The following FAT3 variants were observed in gnomAD, a reference collection of about 807,000 sequenced individuals.
FAT3 encodes FAT atypical cadherin 3, also known as protocadherin Fat 3.
In FAT3, 95 loss-of-function variants were observed where a neutral mutation model predicts 310.2. That is an observed-to-expected ratio of 0.31 (90% CI 0.26 to 0.36). FAT3 has a LOEUF of 0.36. FAT3 is among the 10% of genes least tolerant of loss of function. The pLI is 1.00. For missense variants in FAT3, 5,408 were observed against 5,715.6 expected, an observed-to-expected ratio of 0.95 and a Z score of 1.74; for synonymous variants, 2,314 against 2,192.9, an observed-to-expected ratio of 1.06 and a Z score of -1.54.
intron 3 of FAT3, among the ~76,000 whole-genome samples, chr11:92,637,908 A>G (rs759307477): frequency 2.0e-5 from 3 of 152,254 alleles, no homozygotes; most frequent in African/African-American, 7.2e-5. Flanking sequence ...GAAATAAATT[A>G]GAATCTCAGC....
At chr11:92,673,046 A>T (rs988437710) in intron 3 of FAT3, among the ~76,000 whole-genome samples, 2 of 152,188 alleles carry the variant, frequency 1.3e-5, no homozygotes, top group African/African-American at 4.8e-5. Flanking sequence ...ACAGTTAATA[A>T]TTCTTATTCT....
intron 3 of FAT3, among the ~76,000 whole-genome samples, chr11:92,541,159 A>G (rs1463110742): frequency 2.0e-5 from 3 of 152,188 alleles, no homozygotes; most frequent in Non-Finnish European, 4.4e-5. Flanking sequence ...TGTGCTAGGC[A>G]CTGTGGTGTG....
intron 2 of FAT3, among the ~76,000 whole-genome samples, chr11:92,486,641 T>G (rs680260): frequency 0.99 from 151,284 of 152,242 alleles, 75,179 homozygotes; most frequent in East Asian, 1. Flanking sequence ...GTTACTGCAA[T>G]AAATTTGGTT....
chr11:92,538,264 C>G lies in FAT3; in HGVS notation c.3607+13316C>G, dbSNP rs564244836. The stretch of plus-strand genomic sequence containing the variant: ...GATCTGCATGATAAACACCTGTTTT[C>G]TCAGAATTTTACCCTGTGAAATTCA... On this transcript the variant is annotated intron_variant, in intron 3 of 27. Coordinates refer to ENST00000525166, the MANE Select transcript of FAT3 (RefSeq NM_001367949.2). 5.9e-5 allele frequency among the ~76,000 whole-genome samples: 9 copies of G among 152,224 alleles called. No homozygotes were observed. In the South Asian group the frequency reaches 1.9e-3, roughly 32 times the overall value.
intron 3 of FAT3, among the ~76,000 whole-genome samples, chr11:92,546,787 G>T (rs1450383801): frequency 6.6e-6 from 1 of 152,160 alleles, no homozygotes; most frequent in East Asian, 1.9e-4. Context: ...CTAACTAACT[G>T]CTTGTTGGCC....
At chr11:92,858,991 A>G (rs984507588) in intron 20 of FAT3, among the ~76,000 whole-genome samples, 174 bp from the exon 21 acceptor site, 1 of 152,158 alleles carries the variant, frequency 6.6e-6, no homozygotes, top group Non-Finnish European at 1.5e-5. Flanking sequence ...TTAGAGTGTG[A>G]TGTGAAATGG....
chr11:92,801,452 C>G lies in FAT3; in HGVS notation c.8439C>G (p.Val2813=). The change falls in exon 10 of 28, where the codon GTC becomes GTG. Residue 2813 remains valine, a synonymous_variant. Transcript: ENST00000525166. ...TGGATTTGAATGACAACAAGCCAGT[C>G]TTTGAAACTTCAAGCTATGACACCA... ...KVLDLNDNKP[V]FETSSYDTII... is the part of the protein sequence containing the mutation. 1 of 1,613,836 alleles carries G rather than the reference C, an allele frequency of 6.2e-7. No individual in the cohort carries two copies. The highest frequency in any genetic ancestry group is 8.5e-7 in the Non-Finnish European group (1 of 1,179,848).
chr11:92,383,307 G>A (rs1355393564), intron 2 of FAT3, among the ~76,000 whole-genome samples: 2 of 152,182 alleles, frequency 1.3e-5, no homozygotes, highest in African/African-American at 2.4e-5. Flanking sequence ...ATACATGTGT[G>A]TGTATCTTTA....
At chr11:92,547,304 G>C (rs1011050494) in intron 3 of FAT3, among the ~76,000 whole-genome samples, 2 of 152,118 alleles carry the variant, frequency 1.3e-5, no homozygotes, top group Admixed American at 1.3e-4. Flanking sequence ...ACAAAGTACT[G>C]TTTTCTTGTG....
Position 92,513,022 on chromosome 11 carries a change from T to C in FAT3, c.3293-11612T>C, listed in dbSNP as rs1440406011. 2.7e-5 allele frequency among the ~76,000 whole-genome samples: 2 copies of C among 74,652 alleles called. 1 individual carries two copies. The highest frequency in any genetic ancestry group is 5.1e-5 in the Non-Finnish European group (2 of 39,562). The allele number at this position is 74,652 out of a possible 152,430, so 49.0% of individuals were successfully genotyped here. A position where few individuals can be genotyped will look rare whatever the true frequency, so the allele number is the denominator to read the frequency against. On this transcript the variant is annotated intron_variant, in intron 2 of 27. Coordinates refer to ENST00000525166, the MANE Select transcript of FAT3 (RefSeq NM_001367949.2). ...CTGTAGTCCCAGCTACTCGGGAGGC[T>C]GAGGCAGGAGAATGGCGTGAACCCG...
chr11:92,242,950 A>T (rs552957269), intron 1 of FAT3, among the ~76,000 whole-genome samples: 249 of 152,132 alleles, frequency 1.6e-3, no homozygotes, highest in Non-Finnish European at 2.5e-3. Context: ...CAGGGAAAAA[A>T]ATGTGTACTT....
rs746923546 is a variant in FAT3, at chr11:92,792,792, G to C, written c.4637G>C (p.Arg1546Pro). ...IMVRDQEFPY[R>P]RNLARVIVNV... ...GTCAGAGATCAGGAGTTTCCTTATCGAAGAAACTTGGCCCGAGTCATTGTG... is the reference window on the plus strand; with the variant it reads ...GTCAGAGATCAGGAGTTTCCTTATCCAAGAAACTTGGCCCGAGTCATTGTG... The change falls in exon 9 of 28, where the codon CGA becomes CCA. Residue 1546 changes from arginine to proline, a missense_variant. Coordinates refer to ENST00000525166, the MANE Select transcript of FAT3 (RefSeq NM_001367949.2). 29 of 1,613,576 alleles carry C rather than the reference G, an allele frequency of 1.8e-5. No homozygotes were observed. The highest frequency in any genetic ancestry group is 3.4e-6 in the Non-Finnish European group (4 of 1,179,726).
intron 1 of FAT3, among the ~76,000 whole-genome samples, chr11:92,340,291 A>G (rs972306389): frequency 7.2e-5 from 11 of 152,146 alleles, no homozygotes; most frequent in South Asian, 2.1e-4. Context: ...CAGGAGTCCT[A>G]TGGAGGGGAT....
intron 4 of FAT3, among the ~76,000 whole-genome samples, chr11:92,753,835 A>G (rs1945897865): frequency 7.6e-6 from 1 of 131,094 alleles, no homozygotes; most frequent in African/African-American, 3.2e-5. Context: ...AGCCATGAAA[A>G]TGAATGCATT....
chr11:92,328,920 G>C (rs904660289), intron 1 of FAT3, among the ~76,000 whole-genome samples: 1 of 152,118 alleles, frequency 6.6e-6, no homozygotes, highest in Non-Finnish European at 1.5e-5. Flanking sequence ...GTGGGGTAAA[G>C]CACTAGGCCA....
Position 92,238,225 on chromosome 11 carries a change from G to C in FAT3, c.-18+13051G>C, listed in dbSNP as rs151085120. Among the ~76,000 whole-genome samples the C allele has an allele frequency of 9.0e-3, 1,375 of 152,228 alleles. 35 individuals are homozygous for C. Among genetic ancestry groups the C allele is most frequent in the African/African-American group, 0.031 (1,291 of 41,558 alleles). On this transcript the variant is annotated intron_variant, in intron 1 of 27. Coordinates refer to ENST00000525166, the MANE Select transcript of FAT3 (RefSeq NM_001367949.2). ...TATCAGGTGGATTTCTTTGAGGGCT[G>C]AGTATTTTTCTTCAAAAATTATGCT... is the stretch of plus-strand genomic sequence containing the variant.
At chr11:92,635,188 C>A (rs946995114) in intron 3 of FAT3, among the ~76,000 whole-genome samples, 1 of 152,160 alleles carries the variant, frequency 6.6e-6, no homozygotes, top group East Asian at 1.9e-4. Flanking sequence ...CCTCTATCAT[C>A]ATGAGGTCTG....
At chr11:92,369,075 T>A (rs1332717507) in intron 2 of FAT3, among the ~76,000 whole-genome samples, 2 of 152,118 alleles carry the variant, frequency 1.3e-5, no homozygotes, top group Non-Finnish European at 2.9e-5. Context: ...CAGATCTCTA[T>A]ACTGGCTGCA....
At position 92,673,703 on chromosome 11, in the gene FAT3, G is replaced by C. The variant is rs570606968; in HGVS notation, c.3608-23681G>C. Among the ~76,000 whole-genome samples the C allele has an allele frequency of 2.6e-5, 4 of 152,146 alleles. No homozygotes were observed. In the South Asian group the frequency reaches 8.3e-4, roughly 32 times the overall value. On this transcript the variant is annotated intron_variant, in intron 3 of 27. Transcript: ENST00000525166. ...TGCACTGTTTTCTTAGCTATGACAT[G>C]ATCTCTATGCATTACTTTTCAAACT...
Sources: allele counts gnomAD v4.1 joint callset (sites outside exome capture counted in the v4.1 genomes callset), GRCh38; gene constraint gnomAD v4.1.1; transcripts MANE v1.5; gene names NCBI Gene and HGNC (gene_info 2026-07-23, HGNC 2026-07-21).